The following PCDHA5 variants were observed in gnomAD, a reference collection of about 807,000 sequenced individuals.
PCDHA5 encodes the protein protocadherin alpha-5.
In PCDHA5, 43 loss-of-function variants were observed where a neutral mutation model predicts 61.6. That is an observed-to-expected ratio of 0.70 (90% confidence interval 0.55 to 0.90). The LOEUF (loss-of-function observed/expected upper bound fraction) is 0.90. PCDHA5 is among the 40% of genes least tolerant of loss of function. The pLI, the probability that PCDHA5 is intolerant of heterozygous loss-of-function variation, is 0.00. For missense variants in PCDHA5, 1,298 were observed against 1,222.7 expected (o/e 1.06, Z -0.92); for synonymous variants, 627 against 543.9 (o/e 1.15, Z -2.13).
intron 1 of PCDHA5, among the ~76,000 whole-genome samples, chr5:140,958,658 A>T (rs1207660771): frequency 6.6e-6 from 1 of 152,174 alleles, no homozygotes; most frequent in African/African-American, 2.4e-5. Flanking sequence ...GAAAGCTATG[A>T]TGAAATTTTA....
chr5:140,861,736 A>G (rs1380894393), intron 1 of PCDHA5: 2 of 188,606 alleles, frequency 1.1e-5, no homozygotes, highest in Non-Finnish European at 1.1e-5. Context: ...TGACTTACAT[A>G]CTGTGCCGCA....
At chr5:140,974,083 T>C (rs1345131685) in intron 1 of PCDHA5, among the ~76,000 whole-genome samples, 1 of 152,236 alleles carries the variant, frequency 6.6e-6, no homozygotes, top group Non-Finnish European at 1.5e-5. Flanking sequence ...AACCATGACT[T>C]CAAAAATCAA....
chr5:140,860,649 A>T (rs1256237065), intron 1 of PCDHA5: 2 of 152,282 alleles, frequency 1.3e-5, no homozygotes, highest in Non-Finnish European at 2.9e-5. Context: ...GAAGAAGATA[A>T]GTGAAATAAT....
intron 1 of PCDHA5, chr5:140,830,304 C>T (rs2150184699): frequency 6.3e-5 from 101 of 1,613,824 alleles, no homozygotes; most frequent in Non-Finnish European, 8.1e-5. Context: ...GACAAGCCCA[C>T]GCTGGTGTGC....
At chr5:140,859,972 C>A (rs949834053) in intron 1 of PCDHA5, 1 of 151,842 alleles carries the variant, frequency 6.6e-6, no homozygotes, top group South Asian at 2.1e-4. Flanking sequence ...CTCAGGTATA[C>A]AAGTGCATTA....
chr5:140,827,955 C>G, intron 1 of PCDHA5: 1 of 1,286,520 alleles, frequency 7.8e-7, no homozygotes, highest in South Asian at 1.5e-5. Flanking sequence ...ATTCAAATTT[C>G]TTCTATTACT....
intron 1 of PCDHA5, among the ~76,000 whole-genome samples, chr5:140,874,106 T>C (rs1554167018): frequency 1.3e-5 from 2 of 152,266 alleles, no homozygotes; most frequent in African/African-American, 4.8e-5. Flanking sequence ...TTTTAATTAC[T>C]TAACGTTTTA....
intron 1 of PCDHA5, chr5:140,967,272 T>A: frequency 1.2e-6 from 2 of 1,613,412 alleles, no homozygotes; most frequent in Non-Finnish European, 1.7e-6. Context: ...CGCTTTCACA[T>A]AGAGAGTGCG....
At chr5:140,830,437 G>A (rs2150186472) in intron 1 of PCDHA5, 2 of 1,612,984 alleles carry the variant, frequency 1.2e-6, no homozygotes, top group South Asian at 1.1e-5. Context: ...GTCCTATTAT[G>A]ATGGGTAAGG....
intron 1 of PCDHA5, among the ~76,000 whole-genome samples, chr5:140,925,576 A>G (rs1157907719): frequency 2.0e-5 from 3 of 151,872 alleles, no homozygotes; most frequent in African/African-American, 7.3e-5. Flanking sequence ...CAGCACACCA[A>G]CATGGCGCAT....
chr5:140,927,918 CCTGA>C, intron 1 of PCDHA5: 1 of 1,614,220 alleles, frequency 6.2e-7, no homozygotes, highest in Non-Finnish European at 8.5e-7. Context: ...AACTGGACTT[CCTGA>C]CTCTTTCGAA....
rs2150440873 is a variant in PCDHA5, at chr5:140,849,570, G to C, written c.2352+25443G>C. The C allele has an allele frequency of 3.3e-4, 531 of 1,598,560 alleles. 47 individuals carry two copies. Among genetic ancestry groups the C allele is most frequent in the Non-Finnish European group, 4.4e-4 (516 of 1,167,980 alleles). On this transcript the variant is annotated intron_variant, in intron 1 of 3. Coordinates refer to ENST00000529859, the MANE Select transcript of PCDHA5 (RefSeq NM_018908.3). ...GACTATCAAAACGCTCTCGGTTCCTGTAAAAGAGGACGCACAACTGGGGAC... is the reference window on the plus strand; with the variant it reads ...GACTATCAAAACGCTCTCGGTTCCTCTAAAAGAGGACGCACAACTGGGGAC...
At chr5:140,974,910 C>T (rs1054560750) in intron 1 of PCDHA5, among the ~76,000 whole-genome samples, 1 of 152,114 alleles carries the variant, frequency 6.6e-6, no homozygotes, top group Admixed American at 6.5e-5. Flanking sequence ...AACAAATTAC[C>T]ACAAGTAAGT....
At chr5:140,850,643 G>T in intron 1 of PCDHA5, 1 of 1,598,690 alleles carries the variant, frequency 6.3e-7, no homozygotes, top group Non-Finnish European at 8.6e-7. Flanking sequence ...TCACGCTGCT[G>T]CTGTACACTG....
intron 3 of PCDHA5, among the ~76,000 whole-genome samples, chr5:141,000,411 A>T (rs2097918603): frequency 1.1e-5 from 1 of 94,870 alleles, no homozygotes; most frequent in African/African-American, 4.4e-5. Flanking sequence ...ATATATATAT[A>T]TATATATATA....
At chr5:140,968,776 A>C in intron 1 of PCDHA5, 1 of 1,614,200 alleles carries the variant, frequency 6.2e-7, no homozygotes, top group Non-Finnish European at 8.5e-7. Flanking sequence ...AGCCATCACT[A>C]TCAGCCTCTG....
At chr5:140,915,840 G>A (rs1554197129) in intron 1 of PCDHA5, among the ~76,000 whole-genome samples, 1 of 152,142 alleles carries the variant, frequency 6.6e-6, no homozygotes, top group Admixed American at 6.5e-5. Context: ...AGATCAGCAG[G>A]GGGTGACACC....
At chr5:140,907,519 C>A (rs1378450434) in intron 1 of PCDHA5, among the ~76,000 whole-genome samples, 3 of 152,184 alleles carry the variant, frequency 2.0e-5, no homozygotes, top group Non-Finnish European at 4.4e-5. Flanking sequence ...CCAGTGAGGA[C>A]AAATCGCTGC....
chr5:140,968,046 T>A (rs1554230254), intron 1 of PCDHA5: 2 of 1,614,072 alleles, frequency 1.2e-6, no homozygotes, highest in African/African-American at 1.3e-5. Context: ...AGCGGCCCAC[T>A]GGACCGAGAG....
Sources: allele counts gnomAD v4.1 joint callset (sites outside exome capture counted in the v4.1 genomes callset), GRCh38; gene constraint gnomAD v4.1.1; transcripts MANE v1.5; gene names NCBI Gene and HGNC (gene_info 2026-07-23, HGNC 2026-07-21).